The following TAOK1 variants were observed in gnomAD, a reference collection of about 807,000 sequenced individuals.
The protein encoded by TAOK1 is TAO kinase 1.
A neutral mutation model predicts 138.3 loss-of-function variants in TAOK1; 21 were observed. That is an observed-to-expected ratio of 0.15 (90% CI 0.11 to 0.22). The LOEUF is 0.22. Ranked by LOEUF, TAOK1 falls within the 10% of genes least tolerant of loss-of-function variation. The pLI, the probability that TAOK1 is intolerant of heterozygous loss-of-function variation, is 1.00. For synonymous variants in TAOK1, 361 were observed against 398.4 expected (o/e 0.91, Z 1.12); for missense variants, 651 against 1,227.7 (o/e 0.53, Z 7.02).
chr17:29,421,100 G>A lies in TAOK1; in HGVS notation c.-95+30076G>A, dbSNP rs1014870943. 2.0e-5 allele frequency among the ~76,000 whole-genome samples: 3 copies of A among 151,680 alleles called. No individual in the cohort carries two copies. In the East Asian group the frequency reaches 5.9e-4, roughly 30 times the overall value. ...ACCCATCACCACGCCCAGCTAATTA[G>A]TGTATTTTTTGTAGAGACAGGTTTT... On this transcript the variant is annotated intron_variant, in intron 1 of 19. Coordinates refer to ENST00000261716, the MANE Select transcript of TAOK1 (RefSeq NM_020791.4).
chr17:29,525,340 T>G (rs545531988), intron 17 of TAOK1, among the ~76,000 whole-genome samples: 2 of 152,144 alleles, frequency 1.3e-5, no homozygotes, highest in Admixed American at 1.3e-4. Flanking sequence ...CTCAAACTCC[T>G]GACCTCGTGA....
chr17:29,421,145 G>A (rs1293061666), intron 1 of TAOK1, among the ~76,000 whole-genome samples: 1 of 150,456 alleles, frequency 6.6e-6, no homozygotes, highest in East Asian at 2.0e-4. Flanking sequence ...GGCCCAGATG[G>A]TCTCAGTCTC....
chr17:29,503,652 A>G (rs2153028824), intron 13 of TAOK1, among the ~76,000 whole-genome samples: 1 of 152,256 alleles, frequency 6.6e-6, no homozygotes, highest in South Asian at 2.1e-4. Flanking sequence ...TTACATTAAG[A>G]TACCATAAGA....
chr17:29,462,452 A>G (rs1466752366), intron 2 of TAOK1, among the ~76,000 whole-genome samples: 2 of 152,240 alleles, frequency 1.3e-5, no homozygotes, highest in Non-Finnish European at 1.5e-5. Context: ...CTTGGGAACC[A>G]GGCAGCTTGC....
chr17:29,447,419 C>T (rs2030112470), intron 1 of TAOK1, among the ~76,000 whole-genome samples: 1 of 152,062 alleles, frequency 6.6e-6, no homozygotes, highest in Non-Finnish European at 1.5e-5. Flanking sequence ...CAGCCTTCAC[C>T]TCCCGGATTC....
intron 19 of TAOK1, among the ~76,000 whole-genome samples, chr17:29,538,157 A>T (rs1329027166): frequency 6.6e-6 from 1 of 152,252 alleles, no homozygotes; most frequent in South Asian, 2.1e-4. Context: ...CCAATAAAAA[A>T]ATCTTATTCA....
intron 17 of TAOK1, among the ~76,000 whole-genome samples, chr17:29,529,461 G>T (rs1309170413): frequency 6.6e-6 from 1 of 152,134 alleles, no homozygotes; most frequent in Non-Finnish European, 1.5e-5. Context: ...GCTGGGTATG[G>T]TGGCTGACAC....
At chr17:29,477,342 A>C (rs1027067347) in intron 4 of TAOK1, among the ~76,000 whole-genome samples, 2 of 151,938 alleles carry the variant, frequency 1.3e-5, no homozygotes, top group Admixed American at 6.6e-5. Context: ...ATTTCTTTAT[A>C]ATTTTAATTA....
chr17:29,539,107 C>A (rs1172169430), intron 19 of TAOK1, among the ~76,000 whole-genome samples: 1 of 151,736 alleles, frequency 6.6e-6, no homozygotes, highest in East Asian at 1.9e-4. Flanking sequence ...AAAAAAAATA[C>A]AAAAATTAGT....
intron 2 of TAOK1, among the ~76,000 whole-genome samples, chr17:29,454,754 T>A (rs901988119): frequency 3.9e-5 from 6 of 152,094 alleles, no homozygotes; most frequent in African/African-American, 1.4e-4. Flanking sequence ...CAGGTTAGAG[T>A]GCAGTGGTGC....
chr17:29,465,981 A>G (rs2030658739), intron 2 of TAOK1, among the ~76,000 whole-genome samples: 1 of 150,396 alleles, frequency 6.6e-6, no homozygotes, highest in African/African-American at 2.4e-5. Flanking sequence ...TTACCTTGCT[A>G]ATTTTGTTTT....
intron 3 of TAOK1, among the ~76,000 whole-genome samples, chr17:29,473,457 G>A (rs1053503942): frequency 1.3e-5 from 2 of 152,022 alleles, no homozygotes; most frequent in Non-Finnish European, 2.9e-5. Flanking sequence ...CCAACATGGT[G>A]AAACCCCGTC....
rs115113300 is a variant in TAOK1 at position 29,392,355 on chromosome 17, C to T, written c.-95+1331C>T. ...GATTTTTTTTAAAATGGTAAGGTTA[C>T]AAACCTTTCTGCAGCTGTTTCTTTG... is the stretch of plus-strand genomic sequence containing the variant. On this transcript the variant is annotated intron_variant, in intron 1 of 19. Coordinates refer to ENST00000261716, the MANE Select transcript of TAOK1 (RefSeq NM_020791.4). Among the ~76,000 whole-genome samples the T allele has an allele frequency of 5.3e-3, 802 of 152,232 alleles. 7 individuals carry two copies. The highest frequency in any genetic ancestry group is 0.018 in the African/African-American group (760 of 41,520).
At chr17:29,533,770 C>A (rs1374486470) in intron 18 of TAOK1, among the ~76,000 whole-genome samples, 2 of 89,712 alleles carry the variant, frequency 2.2e-5, no homozygotes, top group Non-Finnish European at 4.3e-5. Context: ...AAGGAGGTTG[C>A]AGTGAGCCGA....
chr17:29,526,868 G>A (rs1177557199), intron 17 of TAOK1, among the ~76,000 whole-genome samples: 4 of 146,172 alleles, frequency 2.7e-5, no homozygotes, highest in Non-Finnish European at 6.0e-5. Flanking sequence ...GTGGCTCACG[G>A]CTGCAATCCC....
At chr17:29,392,419 C>G (rs1904463792) in intron 1 of TAOK1, among the ~76,000 whole-genome samples, 1 of 152,064 alleles carries the variant, frequency 6.6e-6, no homozygotes, top group African/African-American at 2.4e-5. Flanking sequence ...GATCTATTTT[C>G]TGTAGTCAGT....
intron 10 of TAOK1, 46 bp downstream of exon 10, chr17:29,491,911 G>A (rs1367305141): frequency 6.9e-7 from 1 of 1,443,112 alleles, no homozygotes; most frequent in Non-Finnish European, 9.6e-7. Flanking sequence ...TTAAGACAAG[G>A]CCTCACTTTG....
rs1378285201 is a variant in TAOK1, at chr17:29,543,811, G to C, written c.*789G>C. The C allele has an allele frequency of 6.6e-6, 1 of 152,126 alleles. No homozygotes were observed. Among genetic ancestry groups the C allele is most frequent in the African/African-American group, 2.4e-5 (1 of 41,418 alleles). 9.4% of individuals were successfully genotyped at this position (152,126 alleles called of 1,614,324 possible). ...TTATGATAAGATGGGGGTACTTAAG[G>C]AGATCACAAGTTGTGTGAGGATTGC... is the stretch of plus-strand genomic sequence containing the variant. On this transcript the variant is annotated 3_prime_UTR_variant, in exon 20 of 20. Coordinates refer to ENST00000261716, the MANE Select transcript of TAOK1 (RefSeq NM_020791.4).
Position 29,547,572 on chromosome 17 carries a change from A to G in TAOK1, c.*4550A>G, listed in dbSNP as rs1172657113. ...AATCAAAAAATAATATATTTAAGGTATATAAGTGTGAATCTCCTATAATGA... is the reference window on the plus strand; with the variant it reads ...AATCAAAAAATAATATATTTAAGGTGTATAAGTGTGAATCTCCTATAATGA... On this transcript the variant is annotated 3_prime_UTR_variant, in exon 20 of 20. Coordinates refer to ENST00000261716, the MANE Select transcript of TAOK1 (RefSeq NM_020791.4). 6.6e-6 allele frequency: 1 copy of G among 152,128 alleles called. No homozygotes were observed. Among genetic ancestry groups the G allele is most frequent in the Non-Finnish European group, 1.5e-5 (1 of 67,980 alleles). The allele number at this position is 152,128 out of a possible 1,614,324, so 9.4% of individuals were successfully genotyped here.
Sources: gnomAD v4.1 joint callset for allele counts (sites outside exome capture counted in the v4.1 genomes callset) on GRCh38, gnomAD v4.1.1 for gene constraint, MANE v1.5 for transcripts, NCBI Gene and HGNC (gene_info 2026-07-23, HGNC 2026-07-21) for gene names.